Variants in CCDC178 observed in about 807,000 individuals in gnomAD.
CCDC178 encodes the protein coiled-coil domain containing 178, also known as coiled-coil domain-containing protein 178.
Under a neutral mutation model 117.4 loss-of-function variants are expected in CCDC178, and 126 were observed. The observed-to-expected ratio is 1.07, with a 90% CI of 0.93 to 1.24. The LOEUF (loss-of-function observed/expected upper bound fraction) is 1.24, where lower values mean the gene tolerates loss of function less well. Among genes scored for constraint, CCDC178 ranks in the 50% most tolerant of loss-of-function variants. The pLI is 0.00. For missense variants in CCDC178, 1,030 were observed against 986.9 expected (o/e 1.04, Z -0.59); for synonymous variants, 283 against 313.4 (o/e 0.90, Z 1.02).
In CCDC178 at chr18:33,224,769, G is replaced by T; in HGVS notation, c.1818+6C>A. The T allele has an allele frequency of 6.7e-7, 1 of 1,484,974 alleles. No homozygotes were observed. The highest frequency in any genetic ancestry group is 1.4e-5 in the South Asian group (1 of 72,480). The allele number at this position is 1,484,974 out of a possible 1,614,324, so 92.0% of individuals were successfully genotyped here. A position where few individuals can be genotyped will look rare whatever the true frequency, so the allele number is the denominator to read the frequency against. On this transcript the variant is annotated splice_donor_region_variant and intron_variant, in intron 17 of 22. Coordinates refer to ENST00000383096, the MANE Select transcript of CCDC178 (RefSeq NM_001105528.4). ...ACATTAATTTTTGGATTAATTAAAT[G>T]CTTACAACAGAATGTTCTTTGTCGA...
rs561789399 is a variant in CCDC178, at chr18:33,072,747, G to A, written c.2388+20014C>T. 2.2e-4 allele frequency among the ~76,000 whole-genome samples: 34 copies of A among 152,150 alleles called. 2 individuals carry two copies. The South Asian group carries it at 6.7e-3, about 30-fold the overall frequency. ...TTTCAACATTGATTTAAATTGTTCT[G>A]CAGGTTTCACTTTTTCCTTGTATAA... On this transcript the variant is annotated intron_variant, in intron 21 of 22. Coordinates refer to ENST00000383096, the MANE Select transcript of CCDC178 (RefSeq NM_001105528.4).
chr18:33,005,948 T>C (rs2055739760), intron 21 of CCDC178, among the ~76,000 whole-genome samples: 1 of 152,072 alleles, frequency 6.6e-6, no homozygotes, highest in African/African-American at 2.4e-5. Context: ...TTCCCTTGAA[T>C]TTAAATGGAA....
intron 12 of CCDC178, among the ~76,000 whole-genome samples, chr18:33,278,325 T>C (rs1199586229): frequency 6.9e-6 from 1 of 144,416 alleles, no homozygotes; most frequent in Non-Finnish European, 1.5e-5. Flanking sequence ...ATTTACTTCA[T>C]GAGAAAGAAG....
intron 11 of CCDC178, among the ~76,000 whole-genome samples, chr18:33,321,706 A>G (rs997334829): frequency 1.6e-4 from 25 of 151,924 alleles, no homozygotes; most frequent in African/African-American, 6.0e-4. Context: ...CAAATTCAAG[A>G]AATAAGAAAA....
intron 20 of CCDC178, among the ~76,000 whole-genome samples, chr18:33,208,253 G>C (rs934555392): frequency 6.6e-6 from 1 of 152,070 alleles, no homozygotes; most frequent in Non-Finnish European, 1.5e-5. Flanking sequence ...GCGACAGGAA[G>C]GTTGTCATTA....
chr18:33,029,751 C>T (rs910739459), intron 21 of CCDC178, among the ~76,000 whole-genome samples: 105 of 151,822 alleles, frequency 6.9e-4, no homozygotes, highest in Admixed American at 2.6e-4. Context: ...CTTTCACTTG[C>T]TGTTTTTTCA....
At chr18:33,323,678 A>T in intron 10 of CCDC178, 45 bp from the exon 11 acceptor site, 1 of 1,180,722 alleles carries the variant, frequency 8.5e-7, no homozygotes, top group Non-Finnish European at 1.1e-6. Context: ...TTAATGGTTA[A>T]TTAAAAATAA....
chr18:33,149,077 T>C (rs948519624), intron 20 of CCDC178, among the ~76,000 whole-genome samples: 1 of 152,206 alleles, frequency 6.6e-6, no homozygotes, highest in South Asian at 2.1e-4. Context: ...TCAAACTAAT[T>C]GTGTAGGCCT....
At chr18:33,158,867 T>A (rs993423076) in intron 20 of CCDC178, among the ~76,000 whole-genome samples, 2 of 152,128 alleles carry the variant, frequency 1.3e-5, no homozygotes, top group African/African-American at 4.8e-5. Context: ...CTTGTATTTA[T>A]GGAAGACCCA....
chr18:33,235,479 GCA>G (rs1442448651), intron 15 of CCDC178, among the ~76,000 whole-genome samples: 1 of 152,112 alleles, frequency 6.6e-6, no homozygotes, highest in East Asian at 1.9e-4. Flanking sequence ...AATAACAATT[GCA>G]CAGTTTTGTG....
At chr18:33,194,859 G>A (rs1457855169) in intron 20 of CCDC178, among the ~76,000 whole-genome samples, 1 of 144,950 alleles carries the variant, frequency 6.9e-6, no homozygotes, top group East Asian at 2.0e-4. Context: ...AGCCCAGGAG[G>A]GTGAGACCAG....
intron 11 of CCDC178, among the ~76,000 whole-genome samples, chr18:33,298,834 C>G (rs1424864911): frequency 6.6e-6 from 1 of 151,870 alleles, no homozygotes; most frequent in African/African-American, 2.4e-5. Context: ...TTTCTATATA[C>G]TAATAAAGAT....
chr18:33,009,053 T>G (rs1260114991), intron 21 of CCDC178, among the ~76,000 whole-genome samples: 1 of 152,110 alleles, frequency 6.6e-6, no homozygotes, highest in African/African-American at 2.4e-5. Context: ...GTATCATTCT[T>G]CACTCCTCTA....
chr18:33,129,169 T>C (rs2144248125), intron 20 of CCDC178, among the ~76,000 whole-genome samples: 1 of 152,234 alleles, frequency 6.6e-6, no homozygotes, highest in African/African-American at 2.4e-5. Context: ...CATGAAACTT[T>C]TGAGTTAATG....
chr18:32,971,436 G>T (rs2054923713), intron 22 of CCDC178, among the ~76,000 whole-genome samples: 1 of 152,068 alleles, frequency 6.6e-6, no homozygotes, highest in Non-Finnish European at 1.5e-5. Context: ...ATGGCCATTT[G>T]GGCTGGTTCC....
At chr18:33,147,383 G>GTTTTTTTTTTTTTTTTT (rs2058282348) in intron 20 of CCDC178, among the ~76,000 whole-genome samples, 17 of 81,102 alleles carry the variant, frequency 2.1e-4, no homozygotes, top group African/African-American at 2.8e-4. Context: ...TTTTTTTTTA[G>GTTTTTTTTTTTTTTTTT]TATTTATTGA....
intron 15 of CCDC178, among the ~76,000 whole-genome samples, chr18:33,235,523 T>A (rs1307113323): frequency 6.6e-6 from 1 of 152,158 alleles, no homozygotes; most frequent in East Asian, 1.9e-4. Flanking sequence ...TATAAGGGGT[T>A]TTTCATAAAA....
At chr18:33,307,303 A>G (rs915434096) in intron 11 of CCDC178, among the ~76,000 whole-genome samples, 1 of 152,200 alleles carries the variant, frequency 6.6e-6, no homozygotes, top group Non-Finnish European at 1.5e-5. Context: ...AATGAAGTCC[A>G]GGCTGAGGTG....
intron 14 of CCDC178, among the ~76,000 whole-genome samples, chr18:33,255,318 T>G (rs1004844111): frequency 6.6e-6 from 1 of 151,986 alleles, no homozygotes; most frequent in African/African-American, 2.4e-5. Flanking sequence ...GAAGGAATAA[T>G]AAGAGATGAG....
Sources: gnomAD v4.1 joint callset for allele counts (sites outside exome capture counted in the v4.1 genomes callset) on GRCh38, gnomAD v4.1.1 for gene constraint, MANE v1.5 for transcripts, NCBI Gene and HGNC (gene_info 2026-07-23, HGNC 2026-07-21) for gene names.